The following QTMAN variants were observed in gnomAD, a reference collection of about 807,000 sequenced individuals.
QTMAN encodes queuosine-tRNA mannosyltransferase, also known as tRNA-queuosine alpha-mannosyltransferase.
At chr2:143,989,808 A>G in the QTMAN span, among the ~76,000 whole-genome samples, 2 of 152,126 alleles carry the variant, frequency 1.3e-5, no homozygotes, top group African/African-American at 4.8e-5. Flanking sequence ...ATAATCAGTA[A>G]AAGTTCAGTA....
chr2:144,114,423 C>T, the QTMAN span, among the ~76,000 whole-genome samples: 3 of 152,080 alleles, frequency 2.0e-5, no homozygotes, highest in Admixed American at 6.5e-5. Context: ...AACCTACTGG[C>T]GATTTAGTGA....
At chr2:143,995,481 G>A in the QTMAN span, among the ~76,000 whole-genome samples, 1 of 152,072 alleles carries the variant, frequency 6.6e-6, no homozygotes, top group Admixed American at 6.6e-5. Flanking sequence ...CTGTGCTAAC[G>A]CAATTACATA....
At chr2:144,308,080 C>T in the QTMAN span, among the ~76,000 whole-genome samples, 2 of 150,270 alleles carry the variant, frequency 1.3e-5, no homozygotes, top group African/African-American at 4.9e-5. Context: ...TACTACTGAA[C>T]AAACAGTGTT....
the QTMAN span, among the ~76,000 whole-genome samples, chr2:143,958,078 A>G: frequency 6.6e-6 from 1 of 152,132 alleles, no homozygotes; most frequent in Non-Finnish European, 1.5e-5. Context: ...GATAAGGTGA[A>G]ATTCCTACCC....
the QTMAN span, among the ~76,000 whole-genome samples, chr2:144,020,842 ACAAATG>A: frequency 6.6e-6 from 1 of 152,222 alleles, no homozygotes; most frequent in Non-Finnish European, 1.5e-5. Flanking sequence ...GGCAGAAAAG[ACAAATG>A]CAGTAAGAAA....
At chr2:144,056,487 T>C in the QTMAN span, among the ~76,000 whole-genome samples, 2 of 152,212 alleles carry the variant, frequency 1.3e-5, no homozygotes, top group Non-Finnish European at 2.9e-5. Flanking sequence ...ACACACACTG[T>C]ACTTGTTTGT....
At chr2:144,236,423 A>C in the QTMAN span, among the ~76,000 whole-genome samples, 1 of 152,176 alleles carries the variant, frequency 6.6e-6, no homozygotes, top group Non-Finnish European at 1.5e-5. Context: ...AAGGGTGCCT[A>C]TCATGACTTT....
chr2:143,973,326 G>A, the QTMAN span, among the ~76,000 whole-genome samples: 5 of 151,852 alleles, frequency 3.3e-5, no homozygotes, highest in Admixed American at 6.6e-5. Context: ...TTTAAGAGTG[G>A]GAAAAGAGCA....
the QTMAN span, among the ~76,000 whole-genome samples, chr2:144,305,114 C>T: frequency 6.6e-6 from 1 of 151,790 alleles, no homozygotes; most frequent in African/African-American, 2.4e-5. Context: ...TGATGAAGTC[C>T]AACATATTTA....
At chr2:144,035,347 C>G in the QTMAN span, among the ~76,000 whole-genome samples, 2 of 152,160 alleles carry the variant, frequency 1.3e-5, no homozygotes, top group Non-Finnish European at 2.9e-5. Flanking sequence ...TCAGGTAGTT[C>G]TTTACAGCAA....
At chr2:144,172,548 T>C in the QTMAN span, among the ~76,000 whole-genome samples, 1 of 140,218 alleles carries the variant, frequency 7.1e-6, no homozygotes, top group Non-Finnish European at 1.5e-5. Context: ...TGCTTTAACC[T>C]GGGAGCCGTA....
the QTMAN span, among the ~76,000 whole-genome samples, chr2:144,260,511 G>A: frequency 6.6e-6 from 1 of 151,812 alleles, no homozygotes; most frequent in Non-Finnish European, 1.5e-5. Flanking sequence ...GCTTGATAGG[G>A]CAATATTATT....
chr2:144,217,344 C>T, the QTMAN span, among the ~76,000 whole-genome samples: 6 of 151,932 alleles, frequency 3.9e-5, no homozygotes, highest in African/African-American at 1.5e-4. Context: ...ACTGCAGGCA[C>T]AGGATACAAT....
chr2:144,242,885 G>A, the QTMAN span, among the ~76,000 whole-genome samples: 4 of 148,238 alleles, frequency 2.7e-5, no homozygotes, highest in Admixed American at 6.8e-5. Context: ...TCACCTGAAC[G>A]CAGGTGGCAG....
the QTMAN span, chr2:144,319,987 T>C: frequency 6.6e-6 from 1 of 152,240 alleles, no homozygotes; most frequent in Non-Finnish European, 1.5e-5. Flanking sequence ...GTCAACAAAC[T>C]ATTGCCTGGG....
At chr2:144,001,107 TATC>T in the QTMAN span, among the ~76,000 whole-genome samples, 1 of 152,016 alleles carries the variant, frequency 6.6e-6, no homozygotes, top group Non-Finnish European at 1.5e-5. Context: ...CTGAAAAGCA[TATC>T]ATTCTAATCA....
the QTMAN span, among the ~76,000 whole-genome samples, chr2:144,288,003 C>T: frequency 3.3e-5 from 5 of 151,848 alleles, no homozygotes; most frequent in Admixed American, 2.6e-4. Context: ...TACAGGCGCA[C>T]ACCACCACAC....
At chr2:144,218,984 T>C in the QTMAN span, among the ~76,000 whole-genome samples, 3 of 150,246 alleles carry the variant, frequency 2.0e-5, no homozygotes, top group African/African-American at 4.9e-5. Flanking sequence ...AGGTAAACAT[T>C]TGGGAGAAGA....
At chr2:144,215,366 CTTGG>C in the QTMAN span, among the ~76,000 whole-genome samples, 1 of 151,466 alleles carries the variant, frequency 6.6e-6, no homozygotes, top group Non-Finnish European at 1.5e-5. Context: ...AGTAAAGTGT[CTTGG>C]TTAAAACTCC....
Sources: gnomAD v4.1 joint callset for allele counts (sites outside exome capture counted in the v4.1 genomes callset) on GRCh38, gnomAD v4.1.1 for gene constraint, MANE v1.5 for transcripts, NCBI Gene and HGNC (gene_info 2026-07-23, HGNC 2026-07-21) for gene names.